SORT1: variants seen among roughly 807,000 people sequenced by gnomAD.
The protein encoded by SORT1 is sortilin.
SORT1 carries 39 observed loss-of-function variants against 101.7 expected under a neutral mutation model. The observed-to-expected ratio is 0.38, with a 90% CI of 0.30 to 0.50. SORT1 has a LOEUF of 0.50. Among genes scored for constraint, SORT1 ranks in the 20% least tolerant of loss-of-function variants. The pLI is 0.90. For synonymous variants in SORT1, 396 were observed against 393.7 expected, an observed-to-expected ratio of 1.01 and a Z score of -0.07; for missense variants, 878 against 1,040.4, an observed-to-expected ratio of 0.84 and a Z score of 2.15.
At chr1:109,331,349 T>C (rs1051131194) in intron 11 of SORT1, among the ~76,000 whole-genome samples, 1 of 152,148 alleles carries the variant, frequency 6.6e-6, no homozygotes, top group African/African-American at 2.4e-5. Flanking sequence ...GCCACATTAA[T>C]AGAATGAAGG....
chr1:109,396,849 TTAA>T (rs1461370860), intron 1 of SORT1, among the ~76,000 whole-genome samples: 1 of 152,230 alleles, frequency 6.6e-6, no homozygotes, highest in East Asian at 1.9e-4. Context: ...CAGGACTTTC[TTAA>T]TAATTAGTTT....
chr1:109,338,965 C>G (rs1649025960), intron 10 of SORT1, among the ~76,000 whole-genome samples: 1 of 152,034 alleles, frequency 6.6e-6, no homozygotes. Context: ...GCAAGCTCAG[C>G]CTCCCGGGTT....
chr1:109,317,379 C>T (rs1253404732), intron 16 of SORT1, among the ~76,000 whole-genome samples: 1 of 152,140 alleles, frequency 6.6e-6, no homozygotes, highest in Non-Finnish European at 1.5e-5. Context: ...CACTAGTGTC[C>T]ACAGCTATGT....
chr1:109,393,780 T>C (rs1344794899), intron 1 of SORT1, among the ~76,000 whole-genome samples: 1 of 152,154 alleles, frequency 6.6e-6, no homozygotes, highest in Non-Finnish European at 1.5e-5. Context: ...ATGTATAGAT[T>C]ATACAACACA....
intron 2 of SORT1, among the ~76,000 whole-genome samples, chr1:109,367,968 G>C (rs1651202268): frequency 6.6e-6 from 1 of 152,038 alleles, no homozygotes; most frequent in Non-Finnish European, 1.5e-5. Flanking sequence ...ATTACTATAA[G>C]AGTCTAGGGA....
chr1:109,376,610 G>A (rs1009348476), intron 1 of SORT1, among the ~76,000 whole-genome samples: 1 of 152,100 alleles, frequency 6.6e-6, no homozygotes, highest in Non-Finnish European at 1.5e-5. Context: ...GGATGCACAT[G>A]GAGGCCATTA....
chr1:109,330,613 G>A (rs1447075297), intron 11 of SORT1, among the ~76,000 whole-genome samples: 1 of 151,830 alleles, frequency 6.6e-6, no homozygotes, highest in Non-Finnish European at 1.5e-5. Flanking sequence ...CAGAAGGGAG[G>A]AAATAATAAC....
In SORT1 at chr1:109,311,863, C is replaced by A. The variant is rs1658747522; in HGVS notation, c.*2180G>T. The A allele has an allele frequency of 6.6e-6, 1 of 152,554 alleles. No individual in the cohort carries two copies. The highest frequency in any genetic ancestry group is 2.1e-4 in the South Asian group (1 of 4,824). 9.5% of individuals were successfully genotyped at this position (152,554 alleles called of 1,614,324 possible). ...GCATGTGTAAAGATTTCCAAGAGTT[C>A]TGAAGACAGCCAGCCAGCACTGCTT... On this transcript the variant is annotated 3_prime_UTR_variant, in exon 20 of 20. Coordinates refer to ENST00000256637, the MANE Select transcript of SORT1 (RefSeq NM_002959.7).
intron 1 of SORT1, among the ~76,000 whole-genome samples, chr1:109,383,601 C>T (rs1652391459): frequency 6.6e-6 from 1 of 152,178 alleles, no homozygotes. Context: ...AAAGGCAAGG[C>T]ATCGGTGATC....
chr1:109,327,169 T>C lies in SORT1; in HGVS notation c.1475-9A>G. ...GGCATCCCCCACGCTACCTGCAATATAATCCACCATCTCATTAGCACAAAT... is the reference window on the plus strand; with the variant it reads ...GGCATCCCCCACGCTACCTGCAATACAATCCACCATCTCATTAGCACAAAT... On this transcript the variant is annotated splice_polypyrimidine_tract_variant and intron_variant, in intron 12 of 19. Coordinates refer to ENST00000256637, the MANE Select transcript of SORT1 (RefSeq NM_002959.7). 1 of 1,606,858 alleles carries C rather than the reference T, an allele frequency of 6.2e-7. No homozygotes were observed. The highest frequency in any genetic ancestry group is 8.5e-7 in the Non-Finnish European group (1 of 1,174,446).
At chr1:109,396,753 A>G (rs1653197981) in intron 1 of SORT1, among the ~76,000 whole-genome samples, 1 of 152,248 alleles carries the variant, frequency 6.6e-6, no homozygotes, top group Non-Finnish European at 1.5e-5. Flanking sequence ...TTGAAAATAC[A>G]TTATGCAAAT....
intron 2 of SORT1, among the ~76,000 whole-genome samples, chr1:109,369,086 TGA>T (rs1651296183): frequency 6.6e-6 from 1 of 152,032 alleles, no homozygotes; most frequent in Non-Finnish European, 1.5e-5. Flanking sequence ...TTTGGGAGGC[TGA>T]GGCGCGTGGA....
At chr1:109,369,084 G>C (rs1557815527) in intron 2 of SORT1, among the ~76,000 whole-genome samples, 1 of 152,062 alleles carries the variant, frequency 6.6e-6, no homozygotes, top group Admixed American at 6.5e-5. Flanking sequence ...CTTTTGGGAG[G>C]CTGAGGCGCG....
intron 11 of SORT1, among the ~76,000 whole-genome samples, chr1:109,331,745 G>T (rs930185581): frequency 2.5e-4 from 38 of 151,962 alleles, no homozygotes; most frequent in African/African-American, 9.2e-4. Flanking sequence ...AGGTAAAATT[G>T]TCTGTCTGCA....
chr1:109,325,338 A>G lies in SORT1; in HGVS notation c.1644-249T>C, dbSNP rs141526339. On this transcript the variant is annotated intron_variant, in intron 13 of 19. Coordinates refer to ENST00000256637, the MANE Select transcript of SORT1 (RefSeq NM_002959.7). The stretch of plus-strand genomic sequence containing the variant: ...CTGCAACCTCTGCCTCCTGGGTTCA[A>G]GTGATTCTCTCTCATGCCTCAGCCT... Among the ~76,000 whole-genome samples, 750 of 148,302 alleles carry G rather than the reference A, an allele frequency of 5.1e-3. 10 individuals carry two copies. The highest frequency in any genetic ancestry group is 0.018 in the African/African-American group (720 of 40,242).
intron 5 of SORT1, among the ~76,000 whole-genome samples, chr1:109,352,054 T>A (rs1442214294): frequency 6.6e-6 from 1 of 150,868 alleles, no homozygotes; most frequent in Non-Finnish European, 1.5e-5. Flanking sequence ...AGTTTCCTGG[T>A]TGGGGTATAG....
At position 109,312,237 on chromosome 1, in the gene SORT1, C is replaced by T. The variant is rs1658770462; in HGVS notation, c.*1806G>A. 1 of 152,198 alleles carries T rather than the reference C, an allele frequency of 6.6e-6. No individual in the cohort carries two copies. The highest frequency in any genetic ancestry group is 2.1e-4 in the South Asian group (1 of 4,820). 9.4% of individuals were successfully genotyped at this position (152,198 alleles called of 1,614,324 possible). A position where few individuals can be genotyped will look rare whatever the true frequency, so the allele number is the denominator to read the frequency against. On this transcript the variant is annotated 3_prime_UTR_variant, in exon 20 of 20. Transcript: ENST00000256637. ...CGTTTTCATTTGTGAGCTGGTGTATCTTCGGAATTATTTTTAATTTTAAAA... is the reference window on the plus strand; with the variant it reads ...CGTTTTCATTTGTGAGCTGGTGTATTTTCGGAATTATTTTTAATTTTAAAA...
chr1:109,322,872 CTG>C, intron 15 of SORT1, 58 bp downstream of exon 15: 1 of 1,397,656 alleles, frequency 7.2e-7, no homozygotes, highest in Non-Finnish European at 9.9e-7. Context: ...TATAAGAAAA[CTG>C]TCTTTCACCT....
At chr1:109,395,513 GC>G (rs1653140645) in intron 1 of SORT1, among the ~76,000 whole-genome samples, 1 of 151,752 alleles carries the variant, frequency 6.6e-6, no homozygotes, top group South Asian at 2.1e-4. Flanking sequence ...GAGCCACCGT[GC>G]CCAGCCAAAA....
Sources: allele counts gnomAD v4.1 joint callset (sites outside exome capture counted in the v4.1 genomes callset), GRCh38; gene constraint gnomAD v4.1.1; transcripts MANE v1.5; gene names NCBI Gene and HGNC (gene_info 2026-07-23, HGNC 2026-07-21).